FSTL4: variants seen among roughly 807,000 people sequenced by gnomAD.
FSTL4 encodes follistatin like 4, also known as follistatin-related protein 4.
Under a neutral mutation model 78.2 loss-of-function variants are expected in FSTL4, and 28 were observed. The ratio of observed to expected loss-of-function variants is 0.36; its 90% CI spans 0.27 to 0.49. The LOEUF (loss-of-function observed/expected upper bound fraction) is 0.49, where lower values mean the gene tolerates loss of function less well. Among genes scored for constraint, FSTL4 ranks in the 20% least tolerant of loss-of-function variants. The pLI, the probability that FSTL4 is intolerant of heterozygous loss-of-function variation, is 0.98. For missense variants in FSTL4, 922 were observed against 1,084.9 expected (o/e 0.85, Z 2.11); for synonymous variants, 422 against 440.5 (o/e 0.96, Z 0.53).
chr5:133,693,397 T>G, the FSTL4 span, among the ~76,000 whole-genome samples: 6 of 152,164 alleles, frequency 3.9e-5, no homozygotes, highest in Non-Finnish European at 8.8e-5. Context: ...ATGAAAAATT[T>G]TTTGCATCCT....
the FSTL4 span, among the ~76,000 whole-genome samples, chr5:133,705,837 C>T: frequency 6.7e-6 from 1 of 148,266 alleles, no homozygotes; most frequent in African/African-American, 2.6e-5. Flanking sequence ...AAGCCTCCTG[C>T]AACACACACA....
intron 4 of FSTL4, among the ~76,000 whole-genome samples, chr5:133,347,997 T>G (rs979414677): frequency 1.3e-5 from 2 of 152,098 alleles, no homozygotes; most frequent in African/African-American, 4.8e-5. Flanking sequence ...TCCAAAGCCA[T>G]AGTTTGGTGA....
At chr5:133,322,702 G>A (rs1031886801) in intron 4 of FSTL4, among the ~76,000 whole-genome samples, 5 of 152,188 alleles carry the variant, frequency 3.3e-5, no homozygotes, top group Admixed American at 6.5e-5. Context: ...GCTCTTGGAG[G>A]AATTCACCAC....
chr5:133,789,927 C>T, the FSTL4 span, among the ~76,000 whole-genome samples: 1 of 152,154 alleles, frequency 6.6e-6, no homozygotes, highest in Admixed American at 6.5e-5. Context: ...AGGACTAGGG[C>T]TTCAATACAT....
intron 3 of FSTL4, 24 bp downstream of exon 3, chr5:133,567,162 T>C (rs578047192): frequency 7.2e-6 from 11 of 1,536,978 alleles, no homozygotes; most frequent in Non-Finnish European, 9.9e-6. Flanking sequence ...GAAAATAAAA[T>C]GGGTATGAGT....
chr5:133,604,027 C>T (rs777471333), intron 1 of FSTL4, 34 bp from the exon 2 acceptor site: 1 of 1,507,558 alleles, frequency 6.6e-7, no homozygotes, highest in South Asian at 1.1e-5. Context: ...GAGAATAAAA[C>T]ATTATGAGAT....
chr5:133,502,484 G>A (rs1348756474), intron 3 of FSTL4, among the ~76,000 whole-genome samples: 3 of 152,196 alleles, frequency 2.0e-5, no homozygotes, highest in African/African-American at 7.2e-5. Flanking sequence ...GAAATCTCCT[G>A]TGGAATTGCA....
the FSTL4 span, among the ~76,000 whole-genome samples, chr5:133,827,100 C>T: frequency 6.6e-6 from 1 of 152,224 alleles, no homozygotes. Context: ...TTCCCCACTC[C>T]AGGGAAGCAG....
chr5:133,831,824 G>A, the FSTL4 span, among the ~76,000 whole-genome samples: 1 of 152,208 alleles, frequency 6.6e-6, no homozygotes, highest in Admixed American at 6.5e-5. Context: ...CAGGGAGCCA[G>A]AACTGATCAA....
intron 7 of FSTL4, among the ~76,000 whole-genome samples, chr5:133,243,475 GGA>G (rs1292308972): frequency 6.6e-6 from 1 of 152,200 alleles, no homozygotes; most frequent in African/African-American, 2.4e-5. Context: ...CCACACACAG[GGA>G]CCCATATCCA....
At chr5:133,719,065 A>G in the FSTL4 span, among the ~76,000 whole-genome samples, 2 of 152,224 alleles carry the variant, frequency 1.3e-5, no homozygotes, top group Non-Finnish European at 1.5e-5. Context: ...TTGGTTTTAT[A>G]CATATAGTGA....
the FSTL4 span, among the ~76,000 whole-genome samples, chr5:133,682,424 A>G: frequency 1.7e-3 from 264 of 152,370 alleles, no homozygotes; most frequent in Middle Eastern, 0.014. Context: ...CTAGAATAGC[A>G]TAAAGCCCCC....
the FSTL4 span, among the ~76,000 whole-genome samples, chr5:133,641,008 T>A: frequency 6.6e-6 from 1 of 152,210 alleles, no homozygotes; most frequent in East Asian, 1.9e-4. Context: ...AGGGGTACCA[T>A]GTACTGTTGT....
the FSTL4 span, among the ~76,000 whole-genome samples, chr5:133,730,361 T>C: frequency 6.6e-6 from 1 of 152,242 alleles, no homozygotes; most frequent in Non-Finnish European, 1.5e-5. Flanking sequence ...GCCCCTTCTG[T>C]GTCAGGCTTC....
intron 3 of FSTL4, among the ~76,000 whole-genome samples, chr5:133,535,626 G>C (rs1759337261): frequency 6.6e-6 from 1 of 152,190 alleles, no homozygotes; most frequent in Non-Finnish European, 1.5e-5. Context: ...AAGGCTGTGA[G>C]ACCCCTGATT....
At chr5:133,319,992 C>T (rs965347128) in intron 4 of FSTL4, among the ~76,000 whole-genome samples, 1 of 152,176 alleles carries the variant, frequency 6.6e-6, no homozygotes, top group Admixed American at 6.5e-5. Context: ...CAGATGATCA[C>T]TCGAGATCCC....
At chr5:133,318,357 T>G (rs994907476) in intron 4 of FSTL4, among the ~76,000 whole-genome samples, 2 of 152,084 alleles carry the variant, frequency 1.3e-5, no homozygotes, top group Admixed American at 1.3e-4. Context: ...CTACAAAACT[T>G]GATGGGTTTT....
intron 7 of FSTL4, among the ~76,000 whole-genome samples, chr5:133,240,684 T>A (rs921032368): frequency 1.3e-5 from 2 of 152,114 alleles, no homozygotes; most frequent in African/African-American, 4.8e-5. Flanking sequence ...ACTCATCTCT[T>A]CGCGCATGAC....
intron 2 of FSTL4, among the ~76,000 whole-genome samples, chr5:133,567,632 T>C (rs150329812): frequency 1.2e-3 from 186 of 152,350 alleles, no homozygotes; most frequent in Non-Finnish European, 2.3e-3. Flanking sequence ...CAGGTTCTGT[T>C]TTGTGGTGCT....
Sources: gnomAD v4.1 joint callset for allele counts (sites outside exome capture counted in the v4.1 genomes callset) on GRCh38, gnomAD v4.1.1 for gene constraint, MANE v1.5 for transcripts, NCBI Gene and HGNC (gene_info 2026-07-23, HGNC 2026-07-21) for gene names.